The following FILIP1L variants were observed in gnomAD, a reference collection of about 807,000 sequenced individuals.
FILIP1L encodes the protein filamin A-interacting protein 1-like.
In FILIP1L, 55 loss-of-function variants were observed where a neutral mutation model predicts 96.6. That is an observed-to-expected ratio of 0.57 (90% CI 0.46 to 0.71). The LOEUF is 0.71. Among genes scored for constraint, FILIP1L ranks in the 30% least tolerant of loss-of-function variants. The pLI is 0.00. For missense variants in FILIP1L, 1,304 were observed against 1,321.2 expected, an observed-to-expected ratio of 0.99 and a Z score of 0.20; for synonymous variants, 467 against 473.9, an observed-to-expected ratio of 0.99 and a Z score of 0.19.
chr3:99,998,812 G>A (rs750438176), intron 1 of FILIP1L, among the ~76,000 whole-genome samples: 25 of 152,084 alleles, frequency 1.6e-4, no homozygotes, highest in Admixed American at 3.9e-4. Context: ...CTCGTGATCC[G>A]CCCGCCTTAG....
intron 1 of FILIP1L, among the ~76,000 whole-genome samples, chr3:100,038,484 A>C (rs1187206507): frequency 6.6e-6 from 1 of 152,204 alleles, no homozygotes; most frequent in Non-Finnish European, 1.5e-5. Context: ...AATACTACTC[A>C]GTCAGTTGTA....
chr3:99,998,440 C>G (rs1463075109), intron 1 of FILIP1L, among the ~76,000 whole-genome samples: 1 of 152,102 alleles, frequency 6.6e-6, no homozygotes, highest in Non-Finnish European at 1.5e-5. Flanking sequence ...TATACGTACT[C>G]AAAGAATGTA....
intron 1 of FILIP1L, among the ~76,000 whole-genome samples, chr3:100,074,809 T>C (rs1457499861): frequency 6.7e-6 from 1 of 148,762 alleles, no homozygotes; most frequent in Non-Finnish European, 1.5e-5. Flanking sequence ...TTCTCTTACC[T>C]CAGCTTCCAG....
At chr3:99,929,413 A>G (rs1405338328) in intron 3 of FILIP1L, among the ~76,000 whole-genome samples, 2 of 152,202 alleles carry the variant, frequency 1.3e-5, no homozygotes, top group Non-Finnish European at 2.9e-5. Flanking sequence ...TTCATGTTCA[A>G]AATTTCTATG....
At chr3:100,093,667 C>T (rs1305636825) in intron 1 of FILIP1L, among the ~76,000 whole-genome samples, 6 of 152,122 alleles carry the variant, frequency 3.9e-5, no homozygotes, top group Non-Finnish European at 8.8e-5. Context: ...ACAAGGATCC[C>T]TCATGTTCAC....
intron 1 of FILIP1L, among the ~76,000 whole-genome samples, chr3:99,971,065 T>C (rs140192638): frequency 0.058 from 8,788 of 152,178 alleles, 372 homozygotes; most frequent in South Asian, 0.16. Context: ...GGGCTGGGCG[T>C]GGTGGCTCAC....
chr3:99,873,122 G>A (rs1313829526), intron 4 of FILIP1L, among the ~76,000 whole-genome samples: 4 of 152,172 alleles, frequency 2.6e-5, no homozygotes, highest in African/African-American at 9.7e-5. Flanking sequence ...GCTAGAAAAT[G>A]TTGTGGTGAT....
At position 99,883,234 on chromosome 3, in the gene FILIP1L, G is replaced by A. The variant is rs547158951; in HGVS notation, c.606-32164C>T. Among the ~76,000 whole-genome samples the A allele has an allele frequency of 2.5e-4, 38 of 152,304 alleles. 1 individual carries two copies. In the South Asian group the frequency reaches 7.7e-3, roughly 31 times the overall value. ...CAGAGATTTTTTACTTCCCCAGCAA[G>A]TCCATTCCATTCCAAACTGAGAACT... On this transcript the variant is annotated intron_variant, in intron 4 of 5. Coordinates refer to ENST00000477258, the MANE Select transcript of FILIP1L (RefSeq NM_001387850.1).
In FILIP1L at chr3:99,828,923, C is replaced by T. The variant is rs952337678; in HGVS notation, c.*1491G>A. Among the ~76,000 whole-genome samples the T allele has an allele frequency of 6.6e-6, 1 of 151,984 alleles. No homozygotes were observed. Among genetic ancestry groups the T allele is most frequent in the African/African-American group, 2.4e-5 (1 of 41,370 alleles). The stretch of plus-strand genomic sequence containing the variant: ...ATCCCTCTCAATGCTGCCTATCATC[C>T]CTCTCAATGCTGCCCATCATCCCTC... On this transcript the variant is annotated 3_prime_UTR_variant, in exon 6 of 6. Transcript: ENST00000477258.
At chr3:100,011,477 G>A in intron 1 of FILIP1L, among the ~76,000 whole-genome samples, 1 of 152,252 alleles carries the variant, frequency 6.6e-6, no homozygotes, top group Non-Finnish European at 1.5e-5. Flanking sequence ...CCAAAATGGA[G>A]TTGGACTCCA....
At chr3:99,859,609 A>G (rs187057275) in intron 4 of FILIP1L, among the ~76,000 whole-genome samples, 14 of 152,318 alleles carry the variant, frequency 9.2e-5, no homozygotes, top group Non-Finnish European at 5.9e-5. Flanking sequence ...TAGCCTGATT[A>G]TGATTATATC....
intron 1 of FILIP1L, among the ~76,000 whole-genome samples, chr3:99,973,398 A>G (rs1708878844): frequency 6.6e-6 from 1 of 152,262 alleles, no homozygotes; most frequent in Non-Finnish European, 1.5e-5. Context: ...CATGATCATT[A>G]ATTCAATCCT....
rs151093129 is a variant in FILIP1L, at chr3:99,936,835, C to A, written c.-10-5805G>T. Reference sequence around the variant, plus strand: ...AAGATATACATAGTAAAGGAAAAATCCTGGTTTAACATTAATTTATTCAAC... The same window carrying A: ...AAGATATACATAGTAAAGGAAAAATACTGGTTTAACATTAATTTATTCAAC... On this transcript the variant is annotated intron_variant, in intron 1 of 5. Coordinates refer to ENST00000477258, the MANE Select transcript of FILIP1L (RefSeq NM_001387850.1). Among the ~76,000 whole-genome samples the A allele has an allele frequency of 1.7e-3, 266 of 152,108 alleles. 3 individuals are homozygous for A. The highest frequency in any genetic ancestry group is 6.8e-3 in the Middle Eastern group (2 of 294).
At chr3:99,932,291 A>T (rs569200642) in intron 1 of FILIP1L, among the ~76,000 whole-genome samples, 2 of 152,276 alleles carry the variant, frequency 1.3e-5, no homozygotes, top group East Asian at 3.9e-4. Context: ...TGAACAATGT[A>T]TAGTATTACA....
chr3:99,880,477 CAG>C (rs1705687178), intron 4 of FILIP1L, among the ~76,000 whole-genome samples: 1 of 152,070 alleles, frequency 6.6e-6, no homozygotes. Context: ...ATATGGTCCG[CAG>C]AGTTTCCAGA....
intron 1 of FILIP1L, chr3:100,041,133 A>G (rs898889509): frequency 2.6e-5 from 4 of 152,198 alleles, no homozygotes; most frequent in East Asian, 3.8e-4. Context: ...CAGCTCAGAT[A>G]TAGCTAAATG....
intron 1 of FILIP1L, among the ~76,000 whole-genome samples, chr3:99,987,270 T>A (rs1390785526): frequency 6.6e-6 from 1 of 151,170 alleles, no homozygotes; most frequent in East Asian, 1.9e-4. Context: ...GGCTCACTCC[T>A]GTAATCCCAG....
chr3:99,969,290 T>C (rs142865688), intron 1 of FILIP1L, among the ~76,000 whole-genome samples: 19 of 152,338 alleles, frequency 1.2e-4, no homozygotes, highest in African/African-American at 4.6e-4. Context: ...CAGAGAAGGA[T>C]GTAGCCTTGT....
chr3:99,938,083 G>A (rs981799182), intron 1 of FILIP1L, among the ~76,000 whole-genome samples: 5 of 152,052 alleles, frequency 3.3e-5, no homozygotes, highest in Non-Finnish European at 5.9e-5. Flanking sequence ...GTGCGCGCGC[G>A]CGCGCGCGTG....
Sources: allele counts gnomAD v4.1 joint callset (sites outside exome capture counted in the v4.1 genomes callset), GRCh38; gene constraint gnomAD v4.1.1; transcripts MANE v1.5; gene names NCBI Gene and HGNC (gene_info 2026-07-23, HGNC 2026-07-21).